The following CADM2 variants were observed in gnomAD, a reference collection of about 807,000 sequenced individuals.
CADM2 encodes immunoglobulin superfamily member 4D.
A neutral mutation model predicts 49.8 loss-of-function variants in CADM2; 12 were observed. That is an observed-to-expected ratio of 0.24 (90% CI 0.15 to 0.39). The LOEUF (loss-of-function observed/expected upper bound fraction) is 0.39, where lower values mean the gene tolerates loss of function less well. Ranked by LOEUF, CADM2 falls within the 10% of genes least tolerant of loss-of-function variation. The pLI is 1.00. For synonymous variants in CADM2, 214 were observed against 175.4 expected (o/e 1.22, Z -1.74); for missense variants, 378 against 492.3 (o/e 0.77, Z 2.20).
chr3:85,375,740 T>G (rs908566661), intron 1 of CADM2, among the ~76,000 whole-genome samples: 3 of 152,178 alleles, frequency 2.0e-5, no homozygotes, highest in African/African-American at 7.2e-5. Flanking sequence ...CTTCCATTGA[T>G]TTATATGAAT....
intron 1 of CADM2, among the ~76,000 whole-genome samples, chr3:85,150,733 T>A (rs1379432201): frequency 1.3e-5 from 2 of 150,148 alleles, no homozygotes; most frequent in Non-Finnish European, 3.0e-5. Context: ...TGAAACCGTC[T>A]CTACTAAAAA....
intron 1 of CADM2, among the ~76,000 whole-genome samples, chr3:85,114,003 T>C (rs1368660138): frequency 6.6e-6 from 1 of 152,116 alleles, no homozygotes; most frequent in African/African-American, 2.4e-5. Flanking sequence ...CTAATATTGA[T>C]AGATAATACT....
chr3:85,244,762 T>C (rs894441295), intron 1 of CADM2, among the ~76,000 whole-genome samples: 1 of 152,148 alleles, frequency 6.6e-6, no homozygotes, highest in African/African-American at 2.4e-5. Flanking sequence ...GTTGAATAAG[T>C]CCTTCACTCC....
At chr3:85,635,377 T>A (rs2064438929) in intron 1 of CADM2, among the ~76,000 whole-genome samples, 2 of 152,166 alleles carry the variant, frequency 1.3e-5, no homozygotes, top group Admixed American at 1.3e-4. Flanking sequence ...TAAAAAATAC[T>A]CTTACAGAAT....
At chr3:85,214,867 T>C (rs1478215554) in intron 1 of CADM2, among the ~76,000 whole-genome samples, 2 of 152,048 alleles carry the variant, frequency 1.3e-5, no homozygotes, top group Non-Finnish European at 2.9e-5. Context: ...GTTTCCATCT[T>C]ACCCAGGGCA....
intron 1 of CADM2, among the ~76,000 whole-genome samples, chr3:85,419,768 T>G (rs1267920478): frequency 6.6e-6 from 1 of 152,170 alleles, no homozygotes. Flanking sequence ...TAACTACAAC[T>G]ACTAATAATA....
intron 1 of CADM2, among the ~76,000 whole-genome samples, chr3:85,158,348 C>T (rs1175932211): frequency 6.6e-6 from 1 of 152,152 alleles, no homozygotes; most frequent in Non-Finnish European, 1.5e-5. Context: ...TGGGTATATA[C>T]CCAAAGGACT....
intron 1 of CADM2, among the ~76,000 whole-genome samples, chr3:85,193,647 T>C (rs1329980820): frequency 1.3e-5 from 2 of 152,036 alleles, no homozygotes; most frequent in Non-Finnish European, 2.9e-5. Context: ...TCACTTTTCC[T>C]ACCCTAGGTT....
At chr3:85,647,763 T>G (rs1013755064) in intron 1 of CADM2, among the ~76,000 whole-genome samples, 2 of 151,750 alleles carry the variant, frequency 1.3e-5, no homozygotes, top group Non-Finnish European at 3.0e-5. Flanking sequence ...CCCCTACCCC[T>G]TATTAAAAAA....
At chr3:85,653,571 C>T (rs2065116408) in intron 1 of CADM2, among the ~76,000 whole-genome samples, 1 of 151,856 alleles carries the variant, frequency 6.6e-6, no homozygotes, top group Middle Eastern at 3.4e-3. Flanking sequence ...GGAGAATGAT[C>T]AAGAGATTTT....
intron 1 of CADM2, among the ~76,000 whole-genome samples, chr3:85,075,614 T>A (rs2036914656): frequency 1.3e-5 from 2 of 152,184 alleles, no homozygotes; most frequent in African/African-American, 4.8e-5. Flanking sequence ...TTCTTATTGT[T>A]GTTTTACTAT....
chr3:85,644,988 G>GT (rs750250641), intron 1 of CADM2, among the ~76,000 whole-genome samples: 18 of 151,952 alleles, frequency 1.2e-4, no homozygotes, highest in Non-Finnish European at 2.1e-4. Flanking sequence ...AATGAAGTAT[G>GT]TTTTTTTAAG....
At chr3:86,058,596 G>C (rs928916652) in intron 8 of CADM2, among the ~76,000 whole-genome samples, 2 of 151,776 alleles carry the variant, frequency 1.3e-5, no homozygotes, top group Non-Finnish European at 2.9e-5. Flanking sequence ...TGAGTTTTCT[G>C]TTAATCAAAA....
In CADM2 at chr3:85,004,428, AG is replaced by A. The variant is rs1471273762; in HGVS notation, c.61+44762del. Among the ~76,000 whole-genome samples, 7 of 152,276 alleles carry A rather than the reference AG, an allele frequency of 4.6e-5. No homozygotes were observed. The East Asian group carries it at 1.4e-3, about 29-fold the overall frequency. On this transcript the variant is annotated intron_variant, in intron 1 of 9. Coordinates refer to ENST00000383699, the MANE Select transcript of CADM2 (RefSeq NM_001167675.2). Reference sequence around the variant, plus strand: ...GAAGATGTAAATGCAAAATAAGATAAGGCCCTTGTTCTCAAGACACTTCCCT... The same window carrying A: ...GAAGATGTAAATGCAAAATAAGATAAGCCCTTGTTCTCAAGACACTTCCCT...
At chr3:86,047,067 A>G (rs1184851566) in intron 8 of CADM2, among the ~76,000 whole-genome samples, 1 of 152,038 alleles carries the variant, frequency 6.6e-6, no homozygotes, top group Non-Finnish European at 1.5e-5. Flanking sequence ...AGTCATCAAG[A>G]GCAAGTTCTA....
At chr3:85,840,705 A>C (rs937837709) in intron 3 of CADM2, among the ~76,000 whole-genome samples, 1 of 151,892 alleles carries the variant, frequency 6.6e-6, no homozygotes, top group Non-Finnish European at 1.5e-5. Context: ...ATAAAATGCT[A>C]CAAGGTATTT....
chr3:85,007,561 G>T (rs1369868290), intron 1 of CADM2, among the ~76,000 whole-genome samples: 3 of 152,166 alleles, frequency 2.0e-5, no homozygotes, highest in Non-Finnish European at 4.4e-5. Flanking sequence ...TCCAAAGGAT[G>T]CAGAGTTTAA....
chr3:86,059,410 T>G (rs1738360746), intron 8 of CADM2, among the ~76,000 whole-genome samples: 1 of 152,150 alleles, frequency 6.6e-6, no homozygotes, highest in East Asian at 1.9e-4. Flanking sequence ...CTCTTTGGAG[T>G]CTTTACTAAG....
intron 1 of CADM2, among the ~76,000 whole-genome samples, chr3:85,232,562 T>G (rs1330872022): frequency 6.6e-6 from 1 of 151,880 alleles, no homozygotes; most frequent in African/African-American, 2.4e-5. Context: ...AAAGAACACT[T>G]CAAATGTAAC....
Sources: gnomAD v4.1 joint callset for allele counts (sites outside exome capture counted in the v4.1 genomes callset) on GRCh38, gnomAD v4.1.1 for gene constraint, MANE v1.5 for transcripts, NCBI Gene and HGNC (gene_info 2026-07-23, HGNC 2026-07-21) for gene names.